KCNG3: variants seen among roughly 807,000 people sequenced by gnomAD.
The protein encoded by KCNG3 is potassium voltage-gated channel modifier subfamily G member 3, also known as voltage-gated potassium channel regulatory subunit KCNG3.
In KCNG3, 15 loss-of-function variants were observed where a neutral mutation model predicts 29.0. That is an observed-to-expected ratio of 0.52 (90% CI 0.35 to 0.80). The LOEUF (loss-of-function observed/expected upper bound fraction) is 0.80, where lower values mean the gene tolerates loss of function less well. Among genes scored for constraint, KCNG3 ranks in the 30% least tolerant of loss-of-function variants. KCNG3 has a pLI of 0.01. For synonymous variants in KCNG3, 322 were observed against 248.9 expected, an observed-to-expected ratio of 1.29 and a Z score of -2.76; for missense variants, 512 against 605.7, an observed-to-expected ratio of 0.85 and a Z score of 1.62.
chr2:42,486,242 C>T (rs1673717127), intron 1 of KCNG3, among the ~76,000 whole-genome samples: 1 of 152,196 alleles, frequency 6.6e-6, no homozygotes, highest in Non-Finnish European at 1.5e-5. Flanking sequence ...CTCATACACT[C>T]TCCTAGTCCT....
chr2:42,481,368 G>T (rs1179375623), intron 1 of KCNG3, among the ~76,000 whole-genome samples: 2 of 152,122 alleles, frequency 1.3e-5, no homozygotes, highest in Non-Finnish European at 2.9e-5. Context: ...TGACCATCCA[G>T]GAGAAACCAA....
the KCNG3 span, among the ~76,000 whole-genome samples, chr2:42,432,643 C>G: frequency 6.6e-6 from 1 of 152,162 alleles, no homozygotes; most frequent in Admixed American, 6.5e-5. Flanking sequence ...AATCTTTTAT[C>G]TCTCATGTCT....
chr2:42,452,243 A>ATATATATATATATATTTTTT, intron 1 of KCNG3, among the ~76,000 whole-genome samples: 10 of 95,048 alleles, frequency 1.1e-4, no homozygotes, highest in East Asian at 4.6e-4. Context: ...ATATATATAT[A>ATATATATATATATATTTTTT]TTTTTTTTTT....
At chr2:42,398,260 T>TAAATAAATA in the KCNG3 span, among the ~76,000 whole-genome samples, 7,407 of 123,468 alleles carry the variant, frequency 0.06, 253 homozygotes, top group East Asian at 0.17. Flanking sequence ...AATAAATAAA[T>TAAATAAATA]AAATAAAATA....
the KCNG3 span, among the ~76,000 whole-genome samples, chr2:42,398,194 G>A: frequency 6.6e-6 from 1 of 151,788 alleles, no homozygotes; most frequent in Non-Finnish European, 1.5e-5. Flanking sequence ...CTGCACTCCA[G>A]CTTGGGTGAC....
intron 1 of KCNG3, among the ~76,000 whole-genome samples, chr2:42,468,722 A>T (rs1260835891): frequency 6.6e-6 from 1 of 151,962 alleles, no homozygotes; most frequent in Non-Finnish European, 1.5e-5. Context: ...TGGGAGGATG[A>T]GGCAAGTGGA....
the KCNG3 span, among the ~76,000 whole-genome samples, chr2:42,425,932 G>C: frequency 6.6e-6 from 1 of 152,006 alleles, no homozygotes; most frequent in Non-Finnish European, 1.5e-5. Flanking sequence ...ACAAATTGCT[G>C]AAGTTGACGC....
chr2:42,491,151 C>T (rs184720990), intron 1 of KCNG3, among the ~76,000 whole-genome samples: 5 of 152,284 alleles, frequency 3.3e-5, no homozygotes, highest in Admixed American at 2.6e-4. Flanking sequence ...CCCTTCACTT[C>T]TTTTGCAGTC....
At chr2:42,406,227 T>TA in the KCNG3 span, among the ~76,000 whole-genome samples, 2 of 152,120 alleles carry the variant, frequency 1.3e-5, no homozygotes, top group Middle Eastern at 6.8e-3. Flanking sequence ...CACATTAATT[T>TA]TTTTTTTTTA....
intron 1 of KCNG3, among the ~76,000 whole-genome samples, chr2:42,456,294 G>A (rs1452042510): frequency 6.6e-6 from 1 of 152,076 alleles, no homozygotes. Context: ...GGCCAACGCA[G>A]GAGGATTACT....
intron 1 of KCNG3, among the ~76,000 whole-genome samples, chr2:42,471,885 CAAAAAAAAAAAAAAAAAAGAA>C (rs1673299069): frequency 1.6e-5 from 1 of 63,938 alleles, no homozygotes; most frequent in Admixed American, 1.8e-4. Context: ...CCCTGTATCT[CAAAAAAAAAAAAAAAAAAGAA>C]AGAAAAAAGA....
At chr2:42,475,687 T>C (rs1673406471) in intron 1 of KCNG3, among the ~76,000 whole-genome samples, 1 of 151,542 alleles carries the variant, frequency 6.6e-6, no homozygotes, top group South Asian at 2.1e-4. Context: ...GTAAATTGTG[T>C]CAAATTTTTT....
At chr2:42,471,461 T>C (rs1253570036) in intron 1 of KCNG3, among the ~76,000 whole-genome samples, 1 of 151,982 alleles carries the variant, frequency 6.6e-6, no homozygotes, top group Non-Finnish European at 1.5e-5. Flanking sequence ...TCCATGGAGA[T>C]AGATAGCAGA....
intron 1 of KCNG3, among the ~76,000 whole-genome samples, chr2:42,446,368 G>A (rs544964555): frequency 4.1e-4 from 62 of 151,520 alleles, no homozygotes; most frequent in African/African-American, 9.2e-4. Context: ...GAGTAGAGAC[G>A]GGGTTTCACC....
the KCNG3 span, chr2:42,425,082 T>C: frequency 6.6e-6 from 1 of 152,140 alleles, no homozygotes; most frequent in African/African-American, 2.4e-5. Context: ...GCAACCGCCA[T>C]GCTGTTGGCG....
chr2:42,439,461 C>T (rs1265338487), downstream of KCNG3, among the ~76,000 whole-genome samples: 1 of 151,662 alleles, frequency 6.6e-6, no homozygotes, highest in East Asian at 1.9e-4. Flanking sequence ...CAGGGTTTCG[C>T]TATGTTGGCC....
downstream of KCNG3, among the ~76,000 whole-genome samples, chr2:42,438,584 T>C (rs961709765): frequency 2.0e-5 from 3 of 152,212 alleles, no homozygotes; most frequent in African/African-American, 7.2e-5. Flanking sequence ...TTAAAATGTA[T>C]TTGTTTAAAT....
chr2:42,473,800 G>GA lies in KCNG3; in HGVS notation c.665+19036dup, dbSNP rs113573916. 1.5e-4 allele frequency among the ~76,000 whole-genome samples: 23 copies of GA among 149,424 alleles called. No homozygotes were observed. The East Asian group carries it at 2.1e-3, about 14-fold the overall frequency. ...TGCTTTATTTTCAACACTTATATTA[G>GA]AAAAAAAAAATCTTCAAAGCATTTG... On this transcript the variant is annotated intron_variant, in intron 1 of 1. Coordinates refer to ENST00000306078, the MANE Select transcript of KCNG3 (RefSeq NM_133329.6).
the KCNG3 span, among the ~76,000 whole-genome samples, chr2:42,436,996 T>C: frequency 6.6e-6 from 1 of 152,198 alleles, no homozygotes; most frequent in African/African-American, 2.4e-5. Context: ...ACAGGTTAGA[T>C]TCCCTAATTG....
Sources: gnomAD v4.1 joint callset for allele counts (sites outside exome capture counted in the v4.1 genomes callset) on GRCh38, gnomAD v4.1.1 for gene constraint, MANE v1.5 for transcripts, NCBI Gene and HGNC (gene_info 2026-07-23, HGNC 2026-07-21) for gene names.